Variants in MAST4 observed in about 807,000 individuals in gnomAD.
MAST4 encodes microtubule-associated serine/threonine-protein kinase 4.
Under a neutral mutation model 162.7 loss-of-function variants are expected in MAST4, and 89 were observed. The observed-to-expected ratio is 0.55, with a 90% CI of 0.46 to 0.65. The LOEUF (loss-of-function observed/expected upper bound fraction) is 0.65. Among genes scored for constraint, MAST4 ranks in the 30% least tolerant of loss-of-function variants. The pLI is 0.00. For missense variants in MAST4, 3,153 were observed against 3,374.0 expected (o/e 0.93, Z 1.62); for synonymous variants, 1,479 against 1,361.1 (o/e 1.09, Z -1.91).
intron 3 of MAST4, chr5:66,828,668 A>G (rs1221882076): frequency 7.4e-6 from 6 of 812,240 alleles, no homozygotes; most frequent in Non-Finnish European, 1.2e-5. Flanking sequence ...AGCATCCGTG[A>G]TCTCCGAAGT....
At chr5:66,711,287 A>G (rs1750482031) in intron 1 of MAST4, among the ~76,000 whole-genome samples, 1 of 152,200 alleles carries the variant, frequency 6.6e-6, no homozygotes, top group South Asian at 2.1e-4. Flanking sequence ...CTTTTCTGAA[A>G]GGTCTTTCTA....
At chr5:66,671,408 T>C (rs918567053) in intron 1 of MAST4, among the ~76,000 whole-genome samples, 13 of 152,198 alleles carry the variant, frequency 8.5e-5, no homozygotes, top group Admixed American at 6.5e-5. Context: ...CAGCTAAGTC[T>C]GTCCCTTGGC....
At chr5:67,119,033 C>T (rs1229970387) in intron 13 of MAST4, among the ~76,000 whole-genome samples, 1 of 152,172 alleles carries the variant, frequency 6.6e-6, no homozygotes, top group East Asian at 1.9e-4. Flanking sequence ...ACATTCCAGA[C>T]ACAGGCTACA....
At position 67,160,589 on chromosome 5, in the gene MAST4, A is replaced by G. The variant is rs1561191414; in HGVS notation, c.3782A>G (p.Glu1261Gly). Residue 1261 changes from glutamate (E) to glycine (G), a missense_variant, in exon 27 of 29, where the codon GAA (glutamate) becomes GGA (glycine). Coordinates refer to ENST00000403625, the MANE Select transcript of MAST4 (RefSeq NM_001164664.2). Reference sequence around the variant, plus strand: ...AAATCCAAGAAGAAAGAAAGTCTCGAAAGGTTAGTAAAATCAGTATTCTTT... The same window carrying G: ...AAATCCAAGAAGAAAGAAAGTCTCGGAAGGTTAGTAAAATCAGTATTCTTT... ...SKKSKKKESL[E>G]RRRSLFKKLA... 2 of 1,612,990 alleles carry G rather than the reference A, an allele frequency of 1.2e-6. No individual in the cohort carries two copies. The highest frequency in any genetic ancestry group is 1.7e-6 in the Non-Finnish European group (2 of 1,179,648).
Position 66,909,729 on chromosome 5 carries a change from T to G in MAST4, c.674+9747T>G, listed in dbSNP as rs532803503. The stretch of plus-strand genomic sequence containing the variant: ...AGTGGGTACTGATAGCGTTTGGCTG[T>G]GTCTCCACCCAAATCTCATCTTGAA... On this transcript the variant is annotated intron_variant, in intron 4 of 28. Transcript: ENST00000403625. Among the ~76,000 whole-genome samples, 228 of 152,304 alleles carry G rather than the reference T, an allele frequency of 1.5e-3. 1 individual carries two copies. The highest frequency in any genetic ancestry group is 5.2e-3 in the African/African-American group (218 of 41,562).
chr5:67,153,370 A>T (rs1772080993), intron 25 of MAST4, 88 bp from the exon 26 acceptor site: 1 of 1,355,362 alleles, frequency 7.4e-7, no homozygotes, highest in East Asian at 2.6e-5. Flanking sequence ...GACATTTGCT[A>T]ATTAACTCAT....
chr5:66,789,670 C>T (rs570999009), intron 3 of MAST4: 58 of 514,890 alleles, frequency 1.1e-4, no homozygotes, highest in Admixed American at 2.3e-4. Flanking sequence ...CATCCATCTG[C>T]CCCTCTCTGT....
intron 4 of MAST4, among the ~76,000 whole-genome samples, chr5:67,030,302 C>A (rs936113815): frequency 6.6e-6 from 1 of 152,008 alleles, no homozygotes; most frequent in Admixed American, 6.5e-5. Flanking sequence ...TATAGTGTTA[C>A]AAGCAATATT....
Position 66,996,233 on chromosome 5 carries a change from C to T in MAST4, c.675-58171C>T, listed in dbSNP as rs192954553. On this transcript the variant is annotated intron_variant, in intron 4 of 28. Coordinates refer to ENST00000403625, the MANE Select transcript of MAST4 (RefSeq NM_001164664.2). ...GGCAGAGGTTGCAGTGAGTCGAGAT[C>T]GTGCCATTGCACTCCAGCCTGGGCA... Among the ~76,000 whole-genome samples, 40 of 152,086 alleles carry T rather than the reference C, an allele frequency of 2.6e-4. No homozygotes were observed. The East Asian group carries it at 3.1e-3, about 12-fold the overall frequency.
chr5:66,870,708 T>G, intron 3 of MAST4: 1 of 461,110 alleles, frequency 2.2e-6, no homozygotes, highest in Admixed American at 2.4e-5. Flanking sequence ...TGACCATTTC[T>G]CCATCATCCC....
intron 2 of MAST4, among the ~76,000 whole-genome samples, chr5:66,765,022 T>G (rs1754027152): frequency 6.6e-6 from 1 of 152,196 alleles, no homozygotes; most frequent in Non-Finnish European, 1.5e-5. Context: ...TTTCTATGTT[T>G]AGATATGCAC....
chr5:66,995,552 G>A (rs1460082912), intron 4 of MAST4, among the ~76,000 whole-genome samples: 1 of 152,082 alleles, frequency 6.6e-6, no homozygotes, highest in Admixed American at 6.6e-5. Flanking sequence ...ATCGGCACCC[G>A]CCACCATACC....
At chr5:66,875,807 C>CTGGAG in intron 3 of MAST4, among the ~76,000 whole-genome samples, 1 of 152,334 alleles carries the variant, frequency 6.6e-6, no homozygotes, top group East Asian at 1.9e-4. Flanking sequence ...GTCACTCAGG[C>CTGGAG]TGGAGTGCGG....
rs769820279 is a variant in MAST4 at position 67,166,079 on chromosome 5, G to A, written c.6900G>A (p.Lys2300=). 1.2e-6 allele frequency: 2 copies of A among 1,613,514 alleles called. No individual in the cohort carries two copies. The highest frequency in any genetic ancestry group is 2.2e-5 in the East Asian group (1 of 44,874). Residue 2300 remains lysine (K), a synonymous_variant, in exon 29 of 29, where the codon AAG becomes AAA. Transcript: ENST00000403625. ...GGCGGCCCCTGGAGGTGCTGGAGAA[G>A]CCTGTGCATTTGCCAAGGCCGGGAC... The part of the protein sequence containing the change: ...SGGRPLEVLE[K]PVHLPRPGHP...
rs1237223970 is a variant in MAST4, at chr5:67,114,127, C to T, written c.1499C>T (p.Ala500Val). 1 of 1,613,752 alleles carries T rather than the reference C, an allele frequency of 6.2e-7. No individual in the cohort carries two copies. Among genetic ancestry groups the T allele is most frequent in the Non-Finnish European group, 8.5e-7 (1 of 1,179,802 alleles). ...PEEFYYLLEA[A>V]EGHAKEGQGI... The stretch of plus-strand genomic sequence containing the variant: ...GAATTTTACTACCTATTGGAAGCAG[C>T]AGAAGGCCATGCCAAAGAAGGACAG... Residue 500 changes from alanine to valine, a missense_variant, in exon 12 of 29, where the codon GCA (alanine) becomes GTA (valine). This residue lies in a region of MAST4 where 360 missense variants were observed against 450.0 expected (regional missense o/e 0.80). Transcript: ENST00000403625.
chr5:67,141,189 A>C (rs1441534967), intron 19 of MAST4, among the ~76,000 whole-genome samples: 1 of 152,194 alleles, frequency 6.6e-6, no homozygotes, highest in Non-Finnish European at 1.5e-5. Context: ...CAACTACAAG[A>C]AAGAGGCATT....
In MAST4 at chr5:67,165,017, C is replaced by A; in HGVS notation, c.5838C>A (p.His1946Gln). The A allele has an allele frequency of 6.2e-7, 1 of 1,613,320 alleles. No homozygotes were observed. The highest frequency in any genetic ancestry group is 8.5e-7 in the Non-Finnish European group (1 of 1,179,594). The change falls in exon 29 of 29, where the codon CAC (histidine) becomes CAA (glutamine). Residue 1946 changes from histidine (H) to glutamine (Q), a missense_variant. This residue lies in a region of MAST4 where 1,644 missense variants were observed against 1,495.0 expected (regional missense o/e 1.10). Transcript: ENST00000403625. The part of the protein sequence containing the change: ...KLLTCLGQNL[H>Q]SPDLARPRCP... ...TGACCTGCCTGGGGCAGAACCTCCA[C>A]AGCCCTGACCTGGCCAGGCCACGCT...
At chr5:67,052,930 A>G (rs535895512) in intron 4 of MAST4, among the ~76,000 whole-genome samples, 56 of 152,312 alleles carry the variant, frequency 3.7e-4, no homozygotes, top group Non-Finnish European at 2.2e-4. Context: ...TGAATACATT[A>G]TACAGTATCT....
intron 1 of MAST4, among the ~76,000 whole-genome samples, chr5:66,718,997 C>T (rs1386869200): frequency 1.3e-5 from 2 of 152,248 alleles, no homozygotes; most frequent in Admixed American, 6.5e-5. Flanking sequence ...TATACACTAG[C>T]ATTACCTAAG....
Sources: allele counts gnomAD v4.1 joint callset (sites outside exome capture counted in the v4.1 genomes callset), GRCh38; gene constraint gnomAD v4.1.1; regional missense constraint gnomAD v4.1.1; transcripts MANE v1.5; gene names NCBI Gene and HGNC (gene_info 2026-07-23, HGNC 2026-07-21).